FGF12: variants seen among roughly 807,000 people sequenced by gnomAD.
FGF12 encodes fibroblast growth factor 12.
In FGF12, 14 loss-of-function variants were observed where a neutral mutation model predicts 23.6. The observed-to-expected ratio is 0.59, with a 90% CI of 0.39 to 0.93. The LOEUF (loss-of-function observed/expected upper bound fraction) is 0.93, where lower values mean the gene tolerates loss of function less well. FGF12 is among the 40% of genes least tolerant of loss of function. FGF12 has a pLI of 0.00. For synonymous variants in FGF12, 62 were observed against 77.3 expected (o/e 0.80, Z 1.04); for missense variants, 175 against 217.8 (o/e 0.80, Z 1.24).
intron 4 of FGF12, among the ~76,000 whole-genome samples, chr3:192,264,477 A>G (rs147514670): frequency 6.6e-6 from 1 of 152,246 alleles, no homozygotes; most frequent in East Asian, 1.9e-4. Context: ...AGAAAATATG[A>G]ATTCTATTTT....
At chr3:192,446,434 T>C (rs1442964343) in intron 2 of FGF12, among the ~76,000 whole-genome samples, 1 of 152,146 alleles carries the variant, frequency 6.6e-6, no homozygotes, top group Non-Finnish European at 1.5e-5. Flanking sequence ...CACGGAAGCA[T>C]TAAATTAAGC....
chr3:192,676,116 T>C (rs996561155), intron 2 of FGF12, among the ~76,000 whole-genome samples: 13 of 152,198 alleles, frequency 8.5e-5, no homozygotes, highest in Admixed American at 7.9e-4. Context: ...ATGAGTATTC[T>C]CAGTTTCATT....
intron 3 of FGF12, among the ~76,000 whole-genome samples, chr3:192,351,493 G>C (rs1718217492): frequency 6.6e-6 from 1 of 152,172 alleles, no homozygotes; most frequent in Admixed American, 6.5e-5. Flanking sequence ...AACATTGAGT[G>C]AAAGCCACAG....
At chr3:192,224,485 C>A (rs926134625) in intron 4 of FGF12, among the ~76,000 whole-genome samples, 2 of 151,888 alleles carry the variant, frequency 1.3e-5, no homozygotes, top group Non-Finnish European at 1.5e-5. Context: ...CTTAGATCTG[C>A]CATTTTATTA....
rs139554275 is a variant in FGF12, at chr3:192,216,367, T to C, written c.229-45711A>G. On this transcript the variant is annotated intron_variant, in intron 4 of 5. Transcript: ENST00000445105. Reference sequence around the variant, plus strand: ...ACCCAGATCTTGTTTTACTATCCATTGTCTTTAACAACAAAATGGAAATTA... The same window carrying C: ...ACCCAGATCTTGTTTTACTATCCATCGTCTTTAACAACAAAATGGAAATTA... Among the ~76,000 whole-genome samples the C allele has an allele frequency of 9.3e-3, 1,417 of 152,348 alleles. 11 individuals are homozygous for C. Among genetic ancestry groups the C allele is most frequent in the Non-Finnish European group, 0.016 (1,055 of 68,030 alleles).
Position 192,143,987 on chromosome 3 carries a change from G to A in FGF12, c.*22C>T, listed in dbSNP as rs767300269. The stretch of plus-strand genomic sequence containing the variant: ...AAGGGAAGGGGAAGGGATGAGAGAG[G>A]GAAGAAGGGGAGAGTTCTCAGCTAT... On this transcript the variant is annotated 3_prime_UTR_variant, in exon 6 of 6. Coordinates refer to ENST00000445105, the MANE Select transcript of FGF12 (RefSeq NM_004113.6). The A allele has an allele frequency of 6.5e-6, 9 of 1,380,892 alleles. No individual in the cohort carries two copies. The highest frequency in any genetic ancestry group is 9.3e-6 in the Non-Finnish European group (9 of 967,712). The allele number at this position is 1,380,892 out of a possible 1,614,324, so 85.5% of individuals were successfully genotyped here.
At chr3:192,447,574 G>A (rs1205806039) in intron 2 of FGF12, among the ~76,000 whole-genome samples, 1 of 152,110 alleles carries the variant, frequency 6.6e-6, no homozygotes, top group African/African-American at 2.4e-5. Context: ...CAATAATACA[G>A]TGCATTCAGA....
chr3:192,596,973 T>C (rs1315976669), intron 2 of FGF12, among the ~76,000 whole-genome samples: 2 of 152,236 alleles, frequency 1.3e-5, no homozygotes, highest in African/African-American at 4.8e-5. Flanking sequence ...TGACCAGCTA[T>C]GATACCTTGA....
Position 192,562,737 on chromosome 3 carries a change from C to CT in FGF12, c.13+164443dup, listed in dbSNP as rs34822834. Among the ~76,000 whole-genome samples, 923 of 141,844 alleles carry CT rather than the reference C, an allele frequency of 6.5e-3. 10 individuals are homozygous for CT. The highest frequency in any genetic ancestry group is 0.015 in the Middle Eastern group (4 of 268). 93.1% of individuals were successfully genotyped at this position (141,844 alleles called of 152,430 possible). ...GGTGATACTAACCCTACCTCTGAGA[C>CT]TTTTTTTTTTTTTTTGAGCCAGAGT... On this transcript the variant is annotated intron_variant, in intron 2 of 5. Coordinates refer to ENST00000445105, the MANE Select transcript of FGF12 (RefSeq NM_004113.6).
chr3:192,582,731 A>T (rs1713208890), intron 2 of FGF12, among the ~76,000 whole-genome samples: 1 of 152,138 alleles, frequency 6.6e-6, no homozygotes, highest in Non-Finnish European at 1.5e-5. Context: ...ATGAACATAG[A>T]TATAAAGGTC....
intron 5 of FGF12, among the ~76,000 whole-genome samples, chr3:192,161,999 AAACTCT>A (rs1714909905): frequency 6.6e-6 from 1 of 152,172 alleles, no homozygotes; most frequent in Admixed American, 6.5e-5. Context: ...CTAAAACATT[AAACTCT>A]ATAAAGAACC....
chr3:192,409,051 C>G lies in FGF12; in HGVS notation c.14-48513G>C. On this transcript the variant is annotated intron_variant, in intron 2 of 5. Coordinates refer to ENST00000445105, the MANE Select transcript of FGF12 (RefSeq NM_004113.6). The surrounding 1 kb of genome is among the most constrained non-coding windows in gnomAD (Gnocchi z 4.8). ...GAGCAACTCCCGGCCAGCAGCACTGCAAAGAGAGCGGGAGGCGAGGGAGGG... is the reference window on the plus strand; with the variant it reads ...GAGCAACTCCCGGCCAGCAGCACTGGAAAGAGAGCGGGAGGCGAGGGAGGG... 1.0e-6 allele frequency: 1 copy of G among 955,842 alleles called. No homozygotes were observed. The allele number at this position is 955,842 out of a possible 1,614,324, so 59.2% of individuals were successfully genotyped here.
chr3:192,669,277 T>C (rs144154778), intron 2 of FGF12, among the ~76,000 whole-genome samples: 8 of 152,164 alleles, frequency 5.3e-5, no homozygotes, highest in East Asian at 3.9e-4. Context: ...ATGAGTGTGA[T>C]TGACAGATGG....
chr3:192,335,515 T>C (rs372660223), intron 3 of FGF12, 51 bp from the exon 4 acceptor site: 1 of 1,057,614 alleles, frequency 9.5e-7, no homozygotes, highest in African/African-American at 1.6e-5. Flanking sequence ...TTTGAATAAA[T>C]AATCCTTCTT....
intron 4 of FGF12, among the ~76,000 whole-genome samples, chr3:192,300,135 AG>A (rs1401723745): frequency 2.0e-5 from 3 of 152,216 alleles, no homozygotes; most frequent in Admixed American, 6.5e-5. Context: ...GGGCATGCTC[AG>A]GAAGACACTG....
intron 4 of FGF12, among the ~76,000 whole-genome samples, chr3:192,263,546 AG>A (rs1274384961): frequency 6.7e-6 from 1 of 150,138 alleles, no homozygotes; most frequent in Non-Finnish European, 1.5e-5. Flanking sequence ...AAAAAAAAAG[AG>A]GGAAAAAAAA....
Position 192,537,934 on chromosome 3 carries a change from G to A in FGF12, c.14-177396C>T, listed in dbSNP as rs530039396. 7.4e-5 allele frequency among the ~76,000 whole-genome samples: 9 copies of A among 121,742 alleles called. No individual in the cohort carries two copies. The East Asian group carries it at 1.8e-3, about 24-fold the overall frequency. 79.9% of individuals were successfully genotyped at this position (121,742 alleles called of 152,430 possible). ...ATTAGTTTCATAGTGTAAGGTCTTA[G>A]ATTTAAGCCTTTAACCTTTTTTTTT... On this transcript the variant is annotated intron_variant, in intron 2 of 5. Coordinates refer to ENST00000445105, the MANE Select transcript of FGF12 (RefSeq NM_004113.6).
At chr3:192,325,973 T>C (rs538994441) in intron 4 of FGF12, among the ~76,000 whole-genome samples, 7 of 152,132 alleles carry the variant, frequency 4.6e-5, no homozygotes, top group Non-Finnish European at 8.8e-5. Context: ...TGTAGGGTCA[T>C]ACTCAGGAAA....
chr3:192,710,146 G>A (rs1016712672), intron 2 of FGF12, among the ~76,000 whole-genome samples: 2 of 152,152 alleles, frequency 1.3e-5, no homozygotes, highest in African/African-American at 4.8e-5. Flanking sequence ...CAGTATATTG[G>A]ATAAACTGAG....
Sources: gnomAD v4.1 joint callset for allele counts (sites outside exome capture counted in the v4.1 genomes callset) on GRCh38, gnomAD v4.1.1 for gene constraint, Gnocchi (gnomAD v3.1) non-coding constraint, MANE v1.5 for transcripts, NCBI Gene and HGNC (gene_info 2026-07-23, HGNC 2026-07-21) for gene names.